Variants in CES5A observed in about 807,000 individuals in gnomAD.
The protein encoded by CES5A is carboxylesterase 5A, also known as carboxylesterase 5.
Under a neutral mutation model 62.9 loss-of-function variants are expected in CES5A, and 67 were observed. That is an observed-to-expected ratio of 1.07 (90% CI 0.88 to 1.31). The LOEUF is 1.31. Ranked by LOEUF, CES5A falls within the 50% of genes most tolerant of loss-of-function variation. CES5A has a pLI of 0.00. For missense variants in CES5A, 748 were observed against 708.5 expected, an observed-to-expected ratio of 1.06 and a Z score of -0.63; for synonymous variants, 296 against 280.8, an observed-to-expected ratio of 1.05 and a Z score of -0.54.
chr16:55,915,441 G>A (rs1401386098), intron 1 of CES5A, among the ~76,000 whole-genome samples: 2 of 152,110 alleles, frequency 1.3e-5, no homozygotes, highest in Admixed American at 1.3e-4. Context: ...GAAAAGAAAG[G>A]GGGAGGACAA....
chr16:55,849,803 G>A lies in CES5A; in HGVS notation c.1274-30C>T, dbSNP rs755580862. ...CAAAAGGTCAGGGAAGGTCAGGCAT[G>A]CATGCAGCGCGGAGCAGGGGGCTGG... On this transcript the variant is annotated intron_variant, in intron 10 of 12. Coordinates refer to ENST00000290567, the MANE Select transcript of CES5A (RefSeq NM_001143685.2). 2.1e-5 allele frequency: 34 copies of A among 1,609,262 alleles called. 2 individuals are homozygous for A. In the South Asian group the frequency reaches 3.6e-4, roughly 17 times the overall value.
intron 1 of CES5A, among the ~76,000 whole-genome samples, chr16:55,921,472 C>A (rs867265998): frequency 2.0e-5 from 3 of 150,890 alleles, no homozygotes; most frequent in Non-Finnish European, 4.4e-5. Context: ...TTTCAAAGTG[C>A]TGAAAGAAAA....
chr16:55,925,428 A>G (rs1297433413), exon 1 of CES5A: 2 of 152,104 alleles, frequency 1.3e-5, no homozygotes, highest in African/African-American at 4.8e-5. Flanking sequence ...GTAAATTAGC[A>G]CAGCCATTAT....
At chr16:55,876,817 G>A (rs1476121615), upstream of CES5A, among the ~76,000 whole-genome samples, 1 of 152,184 alleles carries the variant, frequency 6.6e-6, no homozygotes. Flanking sequence ...TCACCGTGTG[G>A]CTTCGAAGAA....
intron 2 of CES5A, among the ~76,000 whole-genome samples, chr16:55,948,211 G>A (rs74366082): frequency 0.02 from 2,971 of 152,154 alleles, 38 homozygotes; most frequent in Non-Finnish European, 0.029. Context: ...ATGATTTTAA[G>A]GGCTTCAATA....
intron 1 of CES5A, among the ~76,000 whole-genome samples, chr16:55,894,462 G>T (rs796084021): frequency 2.3e-5 from 3 of 132,066 alleles, no homozygotes; most frequent in African/African-American, 8.8e-5. Context: ...TTCCACTACT[G>T]CACTCCAGCC....
At chr16:55,858,780 G>A (rs1345798488) in intron 8 of CES5A, among the ~76,000 whole-genome samples, 5 of 152,216 alleles carry the variant, frequency 3.3e-5, no homozygotes, top group African/African-American at 4.8e-5. Flanking sequence ...TCTGAGGACA[G>A]ATGAAAAGTT....
At chr16:55,895,848 G>A (rs765535378) in intron 1 of CES5A, among the ~76,000 whole-genome samples, 9 of 152,126 alleles carry the variant, frequency 5.9e-5, no homozygotes, top group Non-Finnish European at 1.3e-4. Flanking sequence ...GCATTTGAAG[G>A]GGGGCCTGGT....
At chr16:55,916,044 A>G (rs562333521) in intron 1 of CES5A, among the ~76,000 whole-genome samples, 1 of 152,274 alleles carries the variant, frequency 6.6e-6, no homozygotes, top group South Asian at 2.1e-4. Context: ...ACTCAAATCA[A>G]TCTCCGAAAA....
chr16:55,875,329 G>T lies in CES5A; in HGVS notation c.-108C>A, dbSNP rs1431942806. ...CTGTTAACAGGCAAATGCTGAATAG[G>T]CAGGCAGAGGCAGCAGAGTTACTGA... On this transcript the variant is annotated 5_prime_UTR_variant, in exon 1 of 13. An upstream open reading frame in the 5' UTR gains an earlier in-frame stop. Coordinates refer to ENST00000290567, the MANE Select transcript of CES5A (RefSeq NM_001143685.2). The T allele has an allele frequency of 6.6e-7, 1 of 1,514,656 alleles. No individual in the cohort carries two copies. Among genetic ancestry groups the T allele is most frequent in the Non-Finnish European group, 8.8e-7 (1 of 1,135,948 alleles). 93.8% of individuals were successfully genotyped at this position (1,514,656 alleles called of 1,614,324 possible).
chr16:55,866,603 A>G (rs1255558564), intron 4 of CES5A, among the ~76,000 whole-genome samples: 1 of 150,098 alleles, frequency 6.7e-6, no homozygotes, highest in African/African-American at 2.5e-5. Context: ...CGGGCAGATC[A>G]TGATGTCAGG....
chr16:55,940,375 T>TA (rs2034433315), intron 2 of CES5A, among the ~76,000 whole-genome samples: 1 of 151,970 alleles, frequency 6.6e-6, no homozygotes, highest in Non-Finnish European at 1.5e-5. Context: ...CCTGTGGCCA[T>TA]TAAAAATAAT....
intron 1 of CES5A, among the ~76,000 whole-genome samples, chr16:55,884,489 T>C (rs547975261): frequency 6.6e-6 from 1 of 151,934 alleles, no homozygotes; most frequent in Non-Finnish European, 1.5e-5. Flanking sequence ...ACTCTGAGAC[T>C]CCCCCTCTTC....
At position 55,846,167 on chromosome 16, in the gene CES5A, C is replaced by T. The variant is rs1238073956; in HGVS notation, c.*284G>A. The T allele has an allele frequency of 2.2e-6, 1 of 453,452 alleles. No homozygotes were observed. Among genetic ancestry groups the T allele is most frequent in the African/African-American group, 2.0e-5 (1 of 50,524 alleles). The allele number at this position is 453,452 out of a possible 1,614,324, so 28.1% of individuals were successfully genotyped here. A position where few individuals can be genotyped will look rare whatever the true frequency, so the allele number is the denominator to read the frequency against. ...TGCCCCCGTATACCTATTTTACATT[C>T]TGATTTTATTTCATATGAGTTACAA... On this transcript the variant is annotated 3_prime_UTR_variant, in exon 13 of 13. Transcript: ENST00000290567.
At position 55,854,494 on chromosome 16, in the gene CES5A, ACCAAGGGGGC is replaced by A. The variant is rs1216018006; in HGVS notation, c.1126-1476_1126-1467del. On this transcript the variant is annotated intron_variant, in intron 9 of 12. Transcript: ENST00000290567. Reference sequence around the variant, plus strand: ...GCTGCAACTCGTCAAACATCCCTCCACCAAGGGGGCCTGAGGGATATCTGCCTGTAGTGTT... The same window carrying A: ...GCTGCAACTCGTCAAACATCCCTCCACTGAGGGATATCTGCCTGTAGTGTT... Among the ~76,000 whole-genome samples, 2 of 122,316 alleles carry A rather than the reference ACCAAGGGGGC, an allele frequency of 1.6e-5. 1 individual carries two copies. Among genetic ancestry groups the A allele is most frequent in the Admixed American group, 1.8e-4 (2 of 11,004 alleles). 80.2% of individuals were successfully genotyped at this position (122,316 alleles called of 152,430 possible).
At chr16:55,857,904 GGGAGAGCCTA>G (rs140703256) in intron 8 of CES5A, among the ~76,000 whole-genome samples, 3,414 of 152,314 alleles carry the variant, frequency 0.022, 62 homozygotes, top group Middle Eastern at 0.078. Flanking sequence ...GATATTTAAA[GGGAGAGCCTA>G]GGCTGGGTAC....
At chr16:55,895,729 T>G (rs1354893448) in intron 1 of CES5A, among the ~76,000 whole-genome samples, 1 of 152,224 alleles carries the variant, frequency 6.6e-6, no homozygotes, top group Non-Finnish European at 1.5e-5. Flanking sequence ...GATTGTATTT[T>G]ACACGTGAGA....
chr16:55,885,262 G>T (rs899477174), intron 1 of CES5A, among the ~76,000 whole-genome samples: 1 of 151,976 alleles, frequency 6.6e-6, no homozygotes, highest in Non-Finnish European at 1.5e-5. Flanking sequence ...CCATCACCTT[G>T]TGCCTCGTCA....
rs781695639 is a variant in CES5A at position 55,871,716 on chromosome 16, T to A, written c.326A>T (p.Lys109Met). 2.5e-6 allele frequency: 4 copies of A among 1,614,132 alleles called. No homozygotes were observed. Among genetic ancestry groups the A allele is most frequent in the Non-Finnish European group, 3.4e-6 (4 of 1,180,004 alleles). The change falls in exon 3 of 13, where the codon AAG becomes ATG. Residue 109 changes from lysine (K) to methionine (M), a missense_variant. Lys to Met is a moderately conservative substitution (Grantham distance 95). Coordinates refer to ENST00000290567, the MANE Select transcript of CES5A (RefSeq NM_001143685.2). ...CACTCCGAATTTCGGGTAATGCACC[T>A]TGAGCATATGTTGATCTAAGAGCAG... ...EWLLLDQHML[K>M]VHYPKFGVSE...
Sources: allele counts gnomAD v4.1 joint callset (sites outside exome capture counted in the v4.1 genomes callset), GRCh38; gene constraint gnomAD v4.1.1; transcripts MANE v1.5; gene names NCBI Gene and HGNC (gene_info 2026-07-23, HGNC 2026-07-21).